The following PHF14 variants were observed in gnomAD, a reference collection of about 807,000 sequenced individuals.
PHF14 encodes PHD finger protein 14.
PHF14 carries 55 observed loss-of-function variants against 117.9 expected under a neutral mutation model. The ratio of observed to expected loss-of-function variants is 0.47; its 90% confidence interval spans 0.38 to 0.58. The LOEUF (loss-of-function observed/expected upper bound fraction) is 0.58, where lower values mean the gene tolerates loss of function less well. Ranked by LOEUF, PHF14 falls within the 20% of genes least tolerant of loss-of-function variation. PHF14 has a pLI of 0.00. For synonymous variants in PHF14, 409 were observed against 368.6 expected (o/e 1.11, Z -1.26); for missense variants, 978 against 1,122.2 (o/e 0.87, Z 1.84).
At chr7:10,987,400 A>G (rs1782262471) in intron 3 of PHF14, among the ~76,000 whole-genome samples, 1 of 152,120 alleles carries the variant, frequency 6.6e-6, no homozygotes, top group Non-Finnish European at 1.5e-5. Flanking sequence ...CCTATTGTAT[A>G]TATCATTTAC....
chr7:10,998,264 A>G (rs1317115351), intron 4 of PHF14, among the ~76,000 whole-genome samples: 3 of 152,182 alleles, frequency 2.0e-5, no homozygotes, highest in Non-Finnish European at 4.4e-5. Context: ...AGCATGTGTA[A>G]GTTATTTTTA....
chr7:11,008,455 G>A (rs902613121), intron 4 of PHF14, among the ~76,000 whole-genome samples: 25 of 152,144 alleles, frequency 1.6e-4, no homozygotes, highest in African/African-American at 4.6e-4. Flanking sequence ...ACCTCCTGTC[G>A]GATCAGTGGC....
intron 16 of PHF14, chr7:11,102,478 C>G: frequency 6.2e-7 from 1 of 1,608,486 alleles, no homozygotes. Flanking sequence ...TATCACTTTA[C>G]TGTGTAGATA....
At chr7:11,056,532 A>G (rs1372083991) in intron 14 of PHF14, among the ~76,000 whole-genome samples, 5 of 151,986 alleles carry the variant, frequency 3.3e-5, no homozygotes, top group Non-Finnish European at 7.4e-5. Context: ...ACCAAAGGGA[A>G]AGCACTCACT....
At chr7:11,037,794 A>T (rs141977186) in intron 10 of PHF14, among the ~76,000 whole-genome samples, 55 of 152,312 alleles carry the variant, frequency 3.6e-4, no homozygotes, top group African/African-American at 1.1e-3. Context: ...TCCAATAATC[A>T]GCTACACTGT....
At chr7:11,077,662 A>G (rs1785917461) in intron 16 of PHF14, among the ~76,000 whole-genome samples, 1 of 148,904 alleles carries the variant, frequency 6.7e-6, no homozygotes, top group African/African-American at 2.5e-5. Context: ...TGTGAGTATG[A>G]TTTGGAGAAC....
intron 13 of PHF14, among the ~76,000 whole-genome samples, chr7:11,043,997 AAC>A (rs1490629560): frequency 2.6e-5 from 4 of 152,148 alleles, no homozygotes; most frequent in African/African-American, 9.7e-5. Flanking sequence ...GCTAAAAAAA[AAC>A]ACACACAAAA....
Position 11,013,747 on chromosome 7 carries a change from G to A in PHF14, c.1046G>A (p.Gly349Asp). ...CDNCGITVHE[G>D]CYGVDGESDS... ...ATCATAGTGTTTTTGTTTTTTTTAG[G>A]TTGTTATGGAGTTGATGGAGAGAGT... is the stretch of plus-strand genomic sequence containing the variant. The change falls in exon 5 of 18, where the codon GGT (glycine) becomes GAT (aspartate). Residue 349 changes from glycine (G) to aspartate (D), a missense_variant and splice_region_variant. By Grantham distance (94) the Gly-to-Asp change is moderately conservative. This residue lies in a region of PHF14 where 86 missense variants were observed against 137.8 expected (regional missense o/e 0.62). Coordinates refer to ENST00000634607, the MANE Select transcript of PHF14 (RefSeq NM_001007157.2). 2 of 1,505,166 alleles carry A rather than the reference G, an allele frequency of 1.3e-6. No homozygotes were observed. The highest frequency in any genetic ancestry group is 1.3e-5 in the South Asian group (1 of 75,750). The allele number at this position is 1,505,166 out of a possible 1,614,324, so 93.2% of individuals were successfully genotyped here.
chr7:11,087,610 C>T lies in PHF14; in HGVS notation c.2655-23740C>T, dbSNP rs142930754. Among the ~76,000 whole-genome samples the T allele has an allele frequency of 5.4e-4, 82 of 152,216 alleles. 1 individual carries two copies. The highest frequency in any genetic ancestry group is 9.2e-4 in the Admixed American group (14 of 15,286). ...TTGACTTCTAAGGAATCTTTACTCACGCAATTATTCCTTTTACTGACTATT... is the reference window on the plus strand; with the variant it reads ...TTGACTTCTAAGGAATCTTTACTCATGCAATTATTCCTTTTACTGACTATT... On this transcript the variant is annotated intron_variant, in intron 16 of 17. Transcript: ENST00000634607.
At chr7:11,107,006 C>T (rs918206669) in intron 16 of PHF14, 1 of 983,230 alleles carries the variant, frequency 1.0e-6, no homozygotes, top group African/African-American at 1.8e-5. Context: ...GATTTTGCTT[C>T]TTTCTAAAGT....
At chr7:11,027,797 TC>T (rs935751009) in intron 6 of PHF14, among the ~76,000 whole-genome samples, 2 of 152,152 alleles carry the variant, frequency 1.3e-5, no homozygotes, top group Non-Finnish European at 2.9e-5. Flanking sequence ...TGTTTCCTTT[TC>T]CAAGCAATTT....
At chr7:11,064,120 T>C (rs1269401515) in intron 16 of PHF14, among the ~76,000 whole-genome samples, 1 of 151,948 alleles carries the variant, frequency 6.6e-6, no homozygotes, top group East Asian at 1.9e-4. Flanking sequence ...AGCAATGCCA[T>C]AAAATATTTT....
intron 7 of PHF14, among the ~76,000 whole-genome samples, chr7:11,029,691 T>C (rs1784056270): frequency 6.6e-6 from 1 of 152,156 alleles, no homozygotes; most frequent in African/African-American, 2.4e-5. Flanking sequence ...AAAATATAAC[T>C]CACATAAACC....
chr7:11,041,628 C>T (rs1583403101), intron 12 of PHF14, among the ~76,000 whole-genome samples: 1 of 151,784 alleles, frequency 6.6e-6, no homozygotes, highest in South Asian at 2.1e-4. Flanking sequence ...CAAATAACTT[C>T]CTTGAAGTGT....
chr7:11,016,100 T>A (rs562129435), intron 5 of PHF14, among the ~76,000 whole-genome samples: 1 of 152,022 alleles, frequency 6.6e-6, no homozygotes, highest in East Asian at 1.9e-4. Flanking sequence ...ACTGAGGGAT[T>A]TTTTTTTGGA....
chr7:11,110,651 G>T (rs527601662), intron 16 of PHF14: 3 of 319,514 alleles, frequency 9.4e-6, no homozygotes, highest in South Asian at 2.6e-4. Flanking sequence ...AAAACCAAAC[G>T]GTCTGAAGAA....
intron 17 of PHF14, among the ~76,000 whole-genome samples, chr7:11,161,743 A>C (rs904574385): frequency 2.7e-5 from 4 of 148,448 alleles, no homozygotes; most frequent in Non-Finnish European, 3.0e-5. Context: ...ATTTTATTTA[A>C]ATAAAAATAT....
At chr7:11,013,672 T>A in intron 4 of PHF14, 75 bp from the exon 5 acceptor site, 1 of 752,654 alleles carries the variant, frequency 1.3e-6, no homozygotes, top group Admixed American at 3.0e-5. Context: ...TCTTTGCTAT[T>A]CTTTTTCTTT....
intron 17 of PHF14, among the ~76,000 whole-genome samples, chr7:11,119,300 C>T (rs990761087): frequency 6.6e-6 from 1 of 151,772 alleles, no homozygotes; most frequent in Non-Finnish European, 1.5e-5. Flanking sequence ...AGATAAAGGA[C>T]ATTTTATTAC....
Sources: gnomAD v4.1 joint callset for allele counts (sites outside exome capture counted in the v4.1 genomes callset) on GRCh38, gnomAD v4.1.1 for gene constraint, gnomAD v4.1.1 regional missense constraint, MANE v1.5 for transcripts, NCBI Gene and HGNC (gene_info 2026-07-23, HGNC 2026-07-21) for gene names.